Variants in STRBP observed in about 807,000 individuals in gnomAD.
The protein encoded by STRBP is spermatid perinuclear RNA-binding protein.
Under a neutral mutation model 80.1 loss-of-function variants are expected in STRBP, and 13 were observed. The observed-to-expected ratio is 0.16, with a 90% CI of 0.11 to 0.26. The LOEUF is 0.26. Among genes scored for constraint, STRBP ranks in the 10% least tolerant of loss-of-function variants. The pLI, the probability that STRBP is intolerant of heterozygous loss-of-function variation, is 1.00. For missense variants in STRBP, 485 were observed against 815.2 expected (o/e 0.59, Z 4.93); for synonymous variants, 284 against 291.2 (o/e 0.98, Z 0.25).
chr9:123,130,038 G>A (rs2036068416), intron 17 of STRBP, among the ~76,000 whole-genome samples: 1 of 152,226 alleles, frequency 6.6e-6, no homozygotes, highest in Middle Eastern at 3.4e-3. Context: ...GCAGTTCTAA[G>A]GATTATACCA....
chr9:123,229,820 G>T (rs2040348564), intron 2 of STRBP, among the ~76,000 whole-genome samples: 1 of 152,170 alleles, frequency 6.6e-6, no homozygotes, highest in South Asian at 2.1e-4. Flanking sequence ...CTAACAGAGT[G>T]ACAGAGTGAA....
At chr9:123,233,838 A>AT (rs1253794315) in intron 2 of STRBP, among the ~76,000 whole-genome samples, 1 of 152,206 alleles carries the variant, frequency 6.6e-6, no homozygotes, top group East Asian at 1.9e-4. Flanking sequence ...TGCACAGTAC[A>AT]TTTTCAAAGT....
intron 6 of STRBP, 130 bp from the exon 7 acceptor site, chr9:123,161,198 C>A (rs374692971): frequency 3.0e-6 from 2 of 677,854 alleles, no homozygotes; most frequent in Non-Finnish European, 4.8e-6. Flanking sequence ...AGAAAATTTC[C>A]TCATTTGGCT....
At position 123,146,921 on chromosome 9, in the gene STRBP, C is replaced by T. The variant is rs2036837161; in HGVS notation, c.1272G>A (p.Val424=). The T allele has an allele frequency of 6.2e-7, 1 of 1,613,986 alleles. No homozygotes were observed. The highest frequency in any genetic ancestry group is 1.7e-5 in the Admixed American group (1 of 60,000). ...CTGAGGCTTCATATGTTGTGCCATC[C>T]ACATCTACAGACATTGTGAAGACTG... ...HAPVFTMSVD[V]DGTTYEASGP... is the part of the protein sequence containing the mutation. The change falls in exon 13 of 19, where the codon GTG becomes GTA. Residue 424 remains valine (V), a synonymous_variant. Transcript: ENST00000348403.
chr9:123,158,224 C>T, intron 10 of STRBP, 101 bp from the exon 11 acceptor site: 4 of 1,475,394 alleles, frequency 2.7e-6, no homozygotes, highest in Non-Finnish European at 3.8e-6. Context: ...GACATTATAA[C>T]AGCAGAAGTC....
chr9:123,228,472 A>G (rs888977955), intron 2 of STRBP, among the ~76,000 whole-genome samples: 1 of 152,174 alleles, frequency 6.6e-6, no homozygotes, highest in Admixed American at 6.5e-5. Flanking sequence ...GGGTTGGGGG[A>G]CAGGGGGAGC....
In STRBP at chr9:123,216,081, C is replaced by T. The variant is rs1323149368; in HGVS notation, c.-165+20749G>A. 5.3e-5 allele frequency among the ~76,000 whole-genome samples: 8 copies of T among 152,102 alleles called. No individual in the cohort carries two copies. The South Asian group carries it at 1.4e-3, about 28-fold the overall frequency. ...AAATACCATCCTTAACATCTTAAAC[C>T]CTCCACCCTTATTCTGCATTCAACT... is the stretch of plus-strand genomic sequence containing the variant. On this transcript the variant is annotated intron_variant, in intron 2 of 18. Coordinates refer to ENST00000348403, the MANE Select transcript of STRBP (RefSeq NM_018387.5).
intron 1 of STRBP, among the ~76,000 whole-genome samples, chr9:123,237,996 A>C (rs543515929): frequency 1.1e-4 from 16 of 152,330 alleles, no homozygotes; most frequent in African/African-American, 3.6e-4. Flanking sequence ...TAACCTTGAG[A>C]TCGGAACTTA....
Position 123,122,262 on chromosome 9 carries a change from G to A in STRBP, c.*3335C>T, listed in dbSNP as rs2035756024. On this transcript the variant is annotated 3_prime_UTR_variant, in exon 19 of 19. Coordinates refer to ENST00000348403, the MANE Select transcript of STRBP (RefSeq NM_018387.5). The stretch of plus-strand genomic sequence containing the variant: ...TATTTTATACAAGTGATATGGCTAC[G>A]AAGGTCCGAGGAGAACGAGAATAAA... The A allele has an allele frequency of 1.7e-6, 2 of 1,197,316 alleles. No homozygotes were observed. Among genetic ancestry groups the A allele is most frequent in the Non-Finnish European group, 1.1e-6 (1 of 905,794 alleles). 74.2% of individuals were successfully genotyped at this position (1,197,316 alleles called of 1,614,324 possible).
intron 11 of STRBP, among the ~76,000 whole-genome samples, chr9:123,148,095 A>C (rs764772106): frequency 2.2e-4 from 33 of 152,220 alleles, no homozygotes; most frequent in Middle Eastern, 3.4e-3. Context: ...ATTTTTTCCC[A>C]TTTATTCATA....
At position 123,254,456 on chromosome 9, in the gene STRBP, CAAAAAAAAAAAAAA is replaced by C. The variant is rs1205708821; in HGVS notation, c.-302+13966_-302+13979del. ...AGCCTGATCACGTGAGACTCCGTCT[CAAAAAAAAAAAAAA>C]AAAAAAAAAGAAAGAACAAAAAAGA... On this transcript the variant is annotated intron_variant, in intron 1 of 18. Transcript: ENST00000348403. 2.1e-4 allele frequency among the ~76,000 whole-genome samples: 14 copies of C among 65,760 alleles called. 1 individual carries two copies. In the South Asian group the frequency reaches 9.4e-3, roughly 44 times the overall value. 43.1% of individuals were successfully genotyped at this position (65,760 alleles called of 152,430 possible).
Position 123,132,920 on chromosome 9 carries a change from G to T in STRBP, c.1822C>A (p.Arg608=). Residue 608 remains arginine (R), a synonymous_variant, in exon 17 of 19, where the codon CGG becomes AGG. Transcript: ENST00000348403. ...GTTAGAGTTCCTCTTCCTCTGCCCC[G>T]AACAGCTTGGACTGCTGCAGACACA... The part of the protein sequence containing the change: ...TAVSAAVQAV[R]GRGRGTLTRG... 1 of 1,614,042 alleles carries T rather than the reference G, an allele frequency of 6.2e-7. No individual in the cohort carries two copies. The highest frequency in any genetic ancestry group is 1.1e-5 in the South Asian group (1 of 91,066).
rs2039369865 is a variant in STRBP at position 123,202,693 on chromosome 9, AG to A, written c.-164-18396del. On this transcript the variant is annotated intron_variant, in intron 2 of 18. Coordinates refer to ENST00000348403, the MANE Select transcript of STRBP (RefSeq NM_018387.5). Reference sequence around the variant, plus strand: ...CTGTACATTTAAAAATAGATAAAAGAGTATAACTGGAATGTCTGTTACACAA... The same window carrying A: ...CTGTACATTTAAAAATAGATAAAAGATATAACTGGAATGTCTGTTACACAA... 2.6e-5 allele frequency among the ~76,000 whole-genome samples: 4 copies of A among 152,312 alleles called. No individual in the cohort carries two copies. The East Asian group carries it at 7.7e-4, about 29-fold the overall frequency.
intron 16 of STRBP, among the ~76,000 whole-genome samples, chr9:123,134,668 G>A (rs113811035): frequency 0.015 from 2,336 of 152,298 alleles, 34 homozygotes; most frequent in Non-Finnish European, 0.027. Context: ...CAATCTGGCA[G>A]TAGCAGAATG....
At position 123,210,566 on chromosome 9, in the gene STRBP, C is replaced by T. The variant is rs539733791; in HGVS notation, c.-165+26264G>A. 1.5e-3 allele frequency among the ~76,000 whole-genome samples: 226 copies of T among 152,282 alleles called. 1 individual carries two copies. Among genetic ancestry groups the T allele is most frequent in the African/African-American group, 5.3e-3 (221 of 41,572 alleles). ...TGATCAAGCAGGCCGGGCGCAGTGG[C>T]TCACGCCTGTAATCCCAGCACTTTG... On this transcript the variant is annotated intron_variant, in intron 2 of 18. Coordinates refer to ENST00000348403, the MANE Select transcript of STRBP (RefSeq NM_018387.5).
At chr9:123,201,904 C>T (rs960777238) in intron 2 of STRBP, among the ~76,000 whole-genome samples, 9 of 152,136 alleles carry the variant, frequency 5.9e-5, no homozygotes, top group African/African-American at 2.2e-4. Flanking sequence ...TAGCAGTAAT[C>T]GTTTTACAAA....
In STRBP at chr9:123,122,196, T is replaced by TA; in HGVS notation, c.*3400_*3401insT. The TA allele has an allele frequency of 1.6e-6, 1 of 618,286 alleles. No homozygotes were observed. The highest frequency in any genetic ancestry group is 2.4e-6 in the Non-Finnish European group (1 of 411,718). The allele number at this position is 618,286 out of a possible 1,614,324, so 38.3% of individuals were successfully genotyped here. ...ATCAGAAAATAAAAGAGCTTACCTT[T>TA]GTATACTGAGATCACAGCTTACAGT... is the stretch of plus-strand genomic sequence containing the variant. On this transcript the variant is annotated 3_prime_UTR_variant, in exon 19 of 19. Coordinates refer to ENST00000348403, the MANE Select transcript of STRBP (RefSeq NM_018387.5).
At position 123,110,217 on chromosome 9, in the gene STRBP, G is replaced by C. The variant is rs1448697851; in HGVS notation, c.*85-464C>G. On this transcript the variant is annotated intron_variant and NMD_transcript_variant, in intron 3 of 3. Coordinates refer to the STRBP transcript ENST00000471564. The surrounding 1 kb of genome is among the most constrained non-coding windows in gnomAD (Gnocchi z 4.1). ...TCTGCTTGGAGCCGCTGAGAAGCAA[G>C]TCCTACAGGCTCCACTCCTGCAGGA... 1 of 152,510 alleles carries C rather than the reference G, an allele frequency of 6.6e-6. No homozygotes were observed. Among genetic ancestry groups the C allele is most frequent in the East Asian group, 1.9e-4 (1 of 5,154 alleles). 9.4% of individuals were successfully genotyped at this position (152,510 alleles called of 1,614,324 possible).
intron 2 of STRBP, among the ~76,000 whole-genome samples, chr9:123,198,313 A>AT (rs1008616260): frequency 6.6e-6 from 1 of 151,596 alleles, no homozygotes; most frequent in African/African-American, 2.4e-5. Context: ...TTTTTTTTGT[A>AT]TTTTTGTAGA....
Sources: allele counts gnomAD v4.1 joint callset (sites outside exome capture counted in the v4.1 genomes callset), GRCh38; gene constraint gnomAD v4.1.1; non-coding constraint Gnocchi (gnomAD v3.1); transcripts MANE v1.5; gene names NCBI Gene and HGNC (gene_info 2026-07-23, HGNC 2026-07-21).